Variants in CTSB observed in about 807,000 individuals in gnomAD.
The protein encoded by CTSB is cathepsin B, also known as APP secretase.
A neutral mutation model predicts 44.3 loss-of-function variants in CTSB; 57 were observed. The observed-to-expected ratio is 1.29, with a 90% CI of 1.04 to 1.60. CTSB has a LOEUF of 1.60. Ranked by LOEUF, CTSB falls within the 40% of genes most tolerant of loss-of-function variation. CTSB has a pLI of 0.00. For missense variants in CTSB, 768 were observed against 443.0 expected, an observed-to-expected ratio of 1.73 and a Z score of -6.59; for synonymous variants, 320 against 168.0, an observed-to-expected ratio of 1.91 and a Z score of -7.00.
Position 11,843,659 on chromosome 8 carries a change from C to G in CTSB, c.*1466G>C, listed in dbSNP as rs568198820. On this transcript the variant is annotated 3_prime_UTR_variant, in exon 10 of 10. Transcript: ENST00000353047. ...GATGTGGTTCCCCACGGGGTAGCAT[C>G]TTGGTTATGTGAGATCACCAAGACA... 10 of 152,358 alleles carry G rather than the reference C, an allele frequency of 6.6e-5. No individual in the cohort carries two copies. The highest frequency in any genetic ancestry group is 4.1e-4 in the South Asian group (2 of 4,828). 9.4% of individuals were successfully genotyped at this position (152,358 alleles called of 1,614,324 possible).
At position 11,843,798 on chromosome 8, in the gene CTSB, A is replaced by AG. The variant is rs1812698668; in HGVS notation, c.*1326dup. 1 of 152,284 alleles carries AG rather than the reference A, an allele frequency of 6.6e-6. No homozygotes were observed. Among genetic ancestry groups the AG allele is most frequent in the South Asian group, 2.1e-4 (1 of 4,836 alleles). 9.4% of individuals were successfully genotyped at this position (152,284 alleles called of 1,614,324 possible). On this transcript the variant is annotated 3_prime_UTR_variant, in exon 10 of 10. Transcript: ENST00000353047. Reference sequence around the variant, plus strand: ...GTAATCCCAACACTTTGGGAGGCTGAGGCAGGCAGACCACCTGAGGCCGGG... The same window carrying AG: ...GTAATCCCAACACTTTGGGAGGCTGAGGGCAGGCAGACCACCTGAGGCCGGG...
In CTSB at chr8:11,859,310, A is replaced by G. The variant is rs935131833; in HGVS notation, c.-25-5831T>C. Among the ~76,000 whole-genome samples, 3 of 152,100 alleles carry G rather than the reference A, an allele frequency of 2.0e-5. No homozygotes were observed. The East Asian group carries it at 5.8e-4, about 29-fold the overall frequency. On this transcript the variant is annotated intron_variant, in intron 1 of 9. Transcript: ENST00000353047. ...CCTCCCCCGGCAAACGGCACCCTAGACTACCTTGAAGCCGTTTCCAGGACA... is the reference window on the plus strand; with the variant it reads ...CCTCCCCCGGCAAACGGCACCCTAGGCTACCTTGAAGCCGTTTCCAGGACA...
chr8:11,845,940 A>G, intron 8 of CTSB, 151 bp from the exon 9 acceptor site: 1 of 819,434 alleles, frequency 1.2e-6, no homozygotes, highest in Non-Finnish European at 1.8e-6. Context: ...GGGGGGTCCC[A>G]CAATACTGGG....
intron 8 of CTSB, 77 bp downstream of exon 8, chr8:11,846,975 G>C: frequency 2.5e-6 from 2 of 802,774 alleles, no homozygotes; most frequent in Non-Finnish European, 4.4e-6. Context: ...AGCCCTATTG[G>C]TCAACATGAA....
intron 3 of CTSB, 122 bp downstream of exon 3, chr8:11,852,488 C>T (rs1372868187): frequency 1.5e-5 from 9 of 592,142 alleles, no homozygotes; most frequent in Admixed American, 3.3e-5. Context: ...CAAGCGGTGT[C>T]GGCAGCCCTG....
chr8:11,847,860 C>T (rs1297654936), intron 6 of CTSB, 38 bp from the exon 7 acceptor site: 2 of 1,477,060 alleles, frequency 1.4e-6, no homozygotes, highest in East Asian at 2.4e-5. Context: ...CAACCTACAG[C>T]CCCCACGGAG....
intron 6 of CTSB, 63 bp downstream of exon 6, chr8:11,848,004 C>G: frequency 7.0e-7 from 1 of 1,429,840 alleles, no homozygotes; most frequent in Admixed American, 1.9e-5. Flanking sequence ...GCAAATAAAG[C>G]CATGATGGTT....
chr8:11,852,610 C>A lies in CTSB; in HGVS notation c.212G>T (p.Arg71Ile). The A allele has an allele frequency of 6.2e-7, 1 of 1,612,764 alleles. No individual in the cohort carries two copies. The highest frequency in any genetic ancestry group is 1.1e-5 in the South Asian group (1 of 91,056). Residue 71 changes from arginine (R) to isoleucine (I), a missense_variant and splice_region_variant, in exon 3 of 10, where the codon AGA becomes ATA. Transcript: ENST00000353047. ...GCGGTGCAGAGGAGCAGGCACTCAC[C>A]TCTGGGGTGGCTTGGGCCCACCCAG... is the stretch of plus-strand genomic sequence containing the variant. The part of the protein sequence containing the change: ...TFLGGPKPPQ[R>I]VMFTEDLKLP...
At chr8:11,851,435 C>A (rs1176735227) in intron 3 of CTSB, among the ~76,000 whole-genome samples, 1 of 152,132 alleles carries the variant, frequency 6.6e-6, no homozygotes, top group East Asian at 1.9e-4. Flanking sequence ...AATGATCTGC[C>A]TGCCTTGGCC....
intron 1 of CTSB, among the ~76,000 whole-genome samples, chr8:11,855,503 A>G (rs1815354882): frequency 6.6e-6 from 1 of 152,194 alleles, no homozygotes; most frequent in Non-Finnish European, 1.5e-5. Context: ...TAGAAAATAA[A>G]GTTTTTTAAA....
chr8:11,846,518 T>G (rs1367902140), intron 8 of CTSB: 2 of 152,838 alleles, frequency 1.3e-5, no homozygotes, highest in South Asian at 2.1e-4. Flanking sequence ...GACTTGGGGA[T>G]GGGGACTGTC....
In CTSB at chr8:11,843,472, A is replaced by G. The variant is rs1298952298; in HGVS notation, c.*1653T>C. 5 of 152,358 alleles carry G rather than the reference A, an allele frequency of 3.3e-5. No homozygotes were observed. Among genetic ancestry groups the G allele is most frequent in the South Asian group, 4.1e-4 (2 of 4,824 alleles). 9.4% of individuals were successfully genotyped at this position (152,358 alleles called of 1,614,324 possible). A position where few individuals can be genotyped will look rare whatever the true frequency, so the allele number is the denominator to read the frequency against. ...CAGTGGAATGATTGCTGGTTCTTCT[A>G]GTTTGCTCTATACCAAGAACTGCTA... On this transcript the variant is annotated 3_prime_UTR_variant, in exon 10 of 10. Transcript: ENST00000353047.
At chr8:11,853,066 C>G (rs942535789) in intron 2 of CTSB, among the ~76,000 whole-genome samples, 8 of 152,122 alleles carry the variant, frequency 5.3e-5, no homozygotes, top group Non-Finnish European at 7.3e-5. Context: ...ACTTCCGAAG[C>G]TCACTTACTC....
chr8:11,862,789 G>C (rs1035914982), intron 1 of CTSB, among the ~76,000 whole-genome samples: 1 of 152,254 alleles, frequency 6.6e-6, no homozygotes, highest in African/African-American at 2.4e-5. Context: ...TCATGAGACA[G>C]CCCGGCCCTC....
rs139721746 is a variant in CTSB at position 11,850,313 on chromosome 8, G to A, written c.327+553C>T. ...ACATGCCTGTAGTCTTAGCTACTGGGGAGACTGAGGCAGGAGAATTGCTTG... is the reference window on the plus strand; with the variant it reads ...ACATGCCTGTAGTCTTAGCTACTGGAGAGACTGAGGCAGGAGAATTGCTTG... On this transcript the variant is annotated intron_variant, in intron 4 of 9. Coordinates refer to ENST00000353047, the MANE Select transcript of CTSB (RefSeq NM_001908.5). 4.9e-3 allele frequency among the ~76,000 whole-genome samples: 748 copies of A among 151,230 alleles called. 10 individuals carry two copies. The highest frequency in any genetic ancestry group is 0.017 in the African/African-American group (718 of 41,120).
At chr8:11,845,627 C>T (rs779051084) in intron 9 of CTSB, 34 bp downstream of exon 9, 4 of 1,603,284 alleles carry the variant, frequency 2.5e-6, no homozygotes, top group South Asian at 1.1e-5. Flanking sequence ...GCTCACAATT[C>T]ACTGTTCTTG....
At position 11,845,193 on chromosome 8, in the gene CTSB, G is replaced by A; in HGVS notation, c.952C>T (p.His318Tyr). The A allele has an allele frequency of 6.2e-7, 1 of 1,613,744 alleles. No individual in the cohort carries two copies. The highest frequency in any genetic ancestry group is 8.5e-7 in the Non-Finnish European group (1 of 1,179,644). ...ACCACTTCTGATTCGATTCCACAGTGATCCTGTCCTCTGAGTATTTTAAAG... is the reference window on the plus strand; with the variant it reads ...ACCACTTCTGATTCGATTCCACAGTAATCCTGTCCTCTGAGTATTTTAAAG... ...GFFKILRGQD[H>Y]CGIESEVVAG... The change falls in exon 10 of 10, where the codon CAC (histidine) becomes TAC (tyrosine). Residue 318 changes from histidine to tyrosine, a missense_variant. By Grantham distance (83) the His-to-Tyr change is moderately conservative. Transcript: ENST00000353047.
intron 1 of CTSB, among the ~76,000 whole-genome samples, chr8:11,855,179 G>A (rs1419962024): frequency 3.3e-5 from 5 of 152,042 alleles, no homozygotes; most frequent in East Asian, 1.9e-4. Flanking sequence ...GTGCCATCAT[G>A]CCCAGCTAAT....
chr8:11,845,079 T>C lies in CTSB; in HGVS notation c.*46A>G, dbSNP rs949467995. On this transcript the variant is annotated 3_prime_UTR_variant, in exon 10 of 10. Coordinates refer to ENST00000353047, the MANE Select transcript of CTSB (RefSeq NM_001908.5). ...GAACTTAAAGAATAAAATGCATTTCTACCCCGATCTCGCCCCCAGGACTGG... is the reference window on the plus strand; with the variant it reads ...GAACTTAAAGAATAAAATGCATTTCCACCCCGATCTCGCCCCCAGGACTGG... The C allele has an allele frequency of 7.9e-6, 10 of 1,267,102 alleles. No individual in the cohort carries two copies. Among genetic ancestry groups the C allele is most frequent in the Middle Eastern group, 1.9e-4 (1 of 5,318 alleles). The allele number at this position is 1,267,102 out of a possible 1,614,324, so 78.5% of individuals were successfully genotyped here. A position where few individuals can be genotyped will look rare whatever the true frequency, so the allele number is the denominator to read the frequency against.
Sources: gnomAD v4.1 joint callset for allele counts (sites outside exome capture counted in the v4.1 genomes callset) on GRCh38, gnomAD v4.1.1 for gene constraint, MANE v1.5 for transcripts, NCBI Gene and HGNC (gene_info 2026-07-23, HGNC 2026-07-21) for gene names.